Variants in RCOR1 observed in about 807,000 individuals in gnomAD.
The protein encoded by RCOR1 is REST corepressor.
In RCOR1, 12 loss-of-function variants were observed where a neutral mutation model predicts 64.0. The observed-to-expected ratio is 0.19, with a 90% CI of 0.12 to 0.30. RCOR1 has a LOEUF of 0.30. Ranked by LOEUF, RCOR1 falls within the 10% of genes least tolerant of loss-of-function variation. RCOR1 has a pLI of 1.00. For missense variants in RCOR1, 502 were observed against 621.2 expected, an observed-to-expected ratio of 0.81 and a Z score of 2.04; for synonymous variants, 279 against 227.2, an observed-to-expected ratio of 1.23 and a Z score of -2.05.
intron 4 of RCOR1, among the ~76,000 whole-genome samples, 184 bp downstream of exon 4, chr14:102,701,514 CT>C (rs1232508754): frequency 6.6e-6 from 1 of 152,102 alleles, no homozygotes; most frequent in East Asian, 1.9e-4. Context: ...TTAGAGGACC[CT>C]TTGATTTGAA....
chr14:102,622,589 G>A (rs906284467), intron 2 of RCOR1, among the ~76,000 whole-genome samples: 8 of 151,916 alleles, frequency 5.3e-5, no homozygotes, highest in African/African-American at 1.9e-4. Context: ...TAAACTCACG[G>A]TATATCAGCA....
intron 2 of RCOR1, among the ~76,000 whole-genome samples, chr14:102,620,821 C>T (rs1237527721): frequency 1.3e-5 from 2 of 152,098 alleles, no homozygotes; most frequent in African/African-American, 4.8e-5. Context: ...CCGTGGTCCC[C>T]TCCTTTTTTG....
chr14:102,695,159 T>C (rs1399429688), intron 3 of RCOR1, among the ~76,000 whole-genome samples: 2 of 152,214 alleles, frequency 1.3e-5, no homozygotes, highest in Non-Finnish European at 1.5e-5. Flanking sequence ...CTGAGGGTAC[T>C]AGGGCATTTC....
At chr14:102,602,123 C>T (rs1029920042) in intron 2 of RCOR1, among the ~76,000 whole-genome samples, 2 of 150,428 alleles carry the variant, frequency 1.3e-5, no homozygotes, top group African/African-American at 4.9e-5. Context: ...TGTGCCACTG[C>T]ACTCCAGACT....
chr14:102,646,576 G>C (rs1277990509), intron 2 of RCOR1, among the ~76,000 whole-genome samples: 1 of 152,216 alleles, frequency 6.6e-6, no homozygotes, highest in Non-Finnish European at 1.5e-5. Context: ...CTTCCAGAAA[G>C]TAGTAGGCAA....
At chr14:102,712,038 G>A (rs1281104823) in intron 7 of RCOR1, among the ~76,000 whole-genome samples, 5 of 151,248 alleles carry the variant, frequency 3.3e-5, no homozygotes, top group African/African-American at 1.2e-4. Flanking sequence ...TTTGAGACAG[G>A]GTCTCCTGTG....
chr14:102,657,238 G>GT (rs1481562701), intron 2 of RCOR1: 1 of 985,142 alleles, frequency 1.0e-6, no homozygotes, highest in African/African-American at 1.7e-5. Flanking sequence ...TGTGCTTAGT[G>GT]TCAGTGCATA....
In RCOR1 at chr14:102,592,728, T is replaced by C; in HGVS notation, c.-159T>C. On this transcript the variant is annotated 5_prime_UTR_variant, in exon 1 of 12. Transcript: ENST00000262241. ...CTGGGGGCTTGAAGCGGCTCCGCGC[T>C]CTGCCCGTTTGGGCCTCCCCCGACT... 1.1e-5 allele frequency: 13 copies of C among 1,223,982 alleles called. No individual in the cohort carries two copies. The highest frequency in any genetic ancestry group is 1.3e-5 in the Non-Finnish European group (13 of 983,226). 75.8% of individuals were successfully genotyped at this position (1,223,982 alleles called of 1,614,324 possible). A position where few individuals can be genotyped will look rare whatever the true frequency, so the allele number is the denominator to read the frequency against.
At chr14:102,639,355 C>T (rs1894312785) in intron 2 of RCOR1, among the ~76,000 whole-genome samples, 1 of 149,998 alleles carries the variant, frequency 6.7e-6, no homozygotes, top group Admixed American at 6.7e-5. Context: ...GCCTGGACCT[C>T]CTGGACACAA....
At chr14:102,726,421 T>C (rs1896264117) in intron 11 of RCOR1, 47 bp from the exon 12 acceptor site, 2 of 1,431,358 alleles carry the variant, frequency 1.4e-6, no homozygotes, top group Admixed American at 3.7e-5. Flanking sequence ...TTGTGTTGTT[T>C]ACCTACTCTT....
intron 7 of RCOR1, 110 bp downstream of exon 7, chr14:102,711,123 G>A (rs1346920892): frequency 2.9e-6 from 2 of 691,682 alleles, no homozygotes; most frequent in Non-Finnish European, 4.9e-6. Flanking sequence ...TATGTGGAAA[G>A]CAGCATGATA....
chr14:102,711,429 C>G (rs1429272348), intron 7 of RCOR1, among the ~76,000 whole-genome samples: 1 of 152,240 alleles, frequency 6.6e-6, no homozygotes, highest in Non-Finnish European at 1.5e-5. Flanking sequence ...CTGGCAGGGA[C>G]TCGGCACAGC....
chr14:102,712,753 G>C (rs768543169), intron 7 of RCOR1, among the ~76,000 whole-genome samples: 2 of 149,978 alleles, frequency 1.3e-5, no homozygotes, highest in African/African-American at 2.5e-5. Context: ...ATAAGATCCT[G>C]AGGGTTAGCT....
chr14:102,628,994 G>A (rs1434233568), intron 2 of RCOR1, among the ~76,000 whole-genome samples: 1 of 151,116 alleles, frequency 6.6e-6, no homozygotes, highest in Non-Finnish European at 1.5e-5. Flanking sequence ...GGGCCCAAGC[G>A]ATCCTCCCAC....
At position 102,609,025 on chromosome 14, in the gene RCOR1, CTTTTTTT is replaced by C. The variant is rs1004210046; in HGVS notation, c.361+15718_361+15724del. On this transcript the variant is annotated intron_variant, in intron 2 of 11. Transcript: ENST00000262241. The stretch of plus-strand genomic sequence containing the variant: ...GGTTATGGAGTAATTCTGTGCTTCA[CTTTTTTT>C]TTTTTTTTTTTTTTTTTAAATTTTT... Among the ~76,000 whole-genome samples, 640 of 106,998 alleles carry C rather than the reference CTTTTTTT, an allele frequency of 6.0e-3. 3 individuals carry two copies. Among genetic ancestry groups the C allele is most frequent in the Non-Finnish European group, 0.01 (528 of 51,840 alleles). 70.2% of individuals were successfully genotyped at this position (106,998 alleles called of 152,430 possible).
Position 102,729,902 on chromosome 14 carries a change from A to T in RCOR1, c.*3396A>T, listed in dbSNP as rs1896337364. The stretch of plus-strand genomic sequence containing the variant: ...CTGTTTCTAAACCGAATGATCCAGG[A>T]TTCAAGCTTCTATTGTCAAGTGAAA... On this transcript the variant is annotated 3_prime_UTR_variant, in exon 12 of 12. Transcript: ENST00000262241. 2.5e-6 allele frequency: 1 copy of T among 398,964 alleles called. No homozygotes were observed. Among genetic ancestry groups the T allele is most frequent in the Non-Finnish European group, 4.4e-6 (1 of 226,084 alleles). The allele number at this position is 398,964 out of a possible 1,614,324, so 24.7% of individuals were successfully genotyped here.
Position 102,714,465 on chromosome 14 carries a change from CAT to C in RCOR1, c.903_904del (p.His301GlnfsTer5), listed in dbSNP as rs934658004. The C allele has an allele frequency of 6.2e-7, 1 of 1,612,910 alleles. No individual in the cohort carries two copies. Among genetic ancestry groups the C allele is most frequent in the African/African-American group, 1.3e-5 (1 of 74,850 alleles). ...ETVPQVKKEK[H>X]STQAKNRAKR... The stretch of plus-strand genomic sequence containing the variant: ...AGTTCCTCAGGTCAAAAAAGAAAAA[CAT>C]AGCACACAAGCTAAAAATAGAGCAA... On this transcript the variant is annotated frameshift_variant, in exon 8 of 12. Coordinates refer to ENST00000262241, the MANE Select transcript of RCOR1 (RefSeq NM_015156.4). LOFTEE classifies it high-confidence loss of function.
rs543547430 is a variant in RCOR1, at chr14:102,668,907, A to T, written c.362-12988A>T. On this transcript the variant is annotated intron_variant, in intron 2 of 11. Transcript: ENST00000262241. ...AGGACTTTATAGCGTGCCTATGTTTATTGTAGATTTTAATTCCAGAGAGCT... is the reference window on the plus strand; with the variant it reads ...AGGACTTTATAGCGTGCCTATGTTTTTTGTAGATTTTAATTCCAGAGAGCT... Among the ~76,000 whole-genome samples, 57 of 152,240 alleles carry T rather than the reference A, an allele frequency of 3.7e-4. No individual in the cohort carries two copies. In the South Asian group the frequency reaches 0.012, roughly 31 times the overall value.
chr14:102,627,088 C>T (rs1412077337), intron 2 of RCOR1, among the ~76,000 whole-genome samples: 2 of 152,128 alleles, frequency 1.3e-5, no homozygotes, highest in African/African-American at 4.8e-5. Flanking sequence ...GCCTTATCCT[C>T]CCTTTATTTC....
Sources: gnomAD v4.1 joint callset for allele counts (sites outside exome capture counted in the v4.1 genomes callset) on GRCh38, gnomAD v4.1.1 for gene constraint, MANE v1.5 for transcripts, NCBI Gene and HGNC (gene_info 2026-07-23, HGNC 2026-07-21) for gene names.